SNX29: variants seen among roughly 807,000 people sequenced by gnomAD.
SNX29 encodes the protein sorting nexin-29.
A neutral mutation model predicts 102.1 loss-of-function variants in SNX29; 78 were observed. The observed-to-expected ratio is 0.76, with a 90% CI of 0.64 to 0.92. The LOEUF (loss-of-function observed/expected upper bound fraction) is 0.92. SNX29 is among the 40% of genes least tolerant of loss of function. SNX29 has a pLI of 0.00. For synonymous variants in SNX29, 580 were observed against 414.5 expected (o/e 1.40, Z -4.85); for missense variants, 1,280 against 1,061.7 (o/e 1.21, Z -2.86).
intron 16 of SNX29, among the ~76,000 whole-genome samples, chr16:12,359,437 C>T (rs932423517): frequency 2.0e-5 from 3 of 152,242 alleles, no homozygotes; most frequent in Non-Finnish European, 4.4e-5. Flanking sequence ...CTGGGTTTCA[C>T]ATATGACTTC....
At position 12,032,201 on chromosome 16, in the gene SNX29, TTC is replaced by T. The variant is rs1491074934; in HGVS notation, c.247+4759_247+4760del. The stretch of plus-strand genomic sequence containing the variant: ...TGTCAGAATTTCCTTCTTCTTCTTC[TTC>T]TTTTTTTTTTTTTTTTTGATGGAGC... On this transcript the variant is annotated intron_variant, in intron 4 of 20. Coordinates refer to ENST00000566228, the MANE Select transcript of SNX29 (RefSeq NM_032167.5). Among the ~76,000 whole-genome samples, 1,392 of 142,518 alleles carry T rather than the reference TTC, an allele frequency of 9.8e-3. 25 individuals carry two copies. Among genetic ancestry groups the T allele is most frequent in the African/African-American group, 0.034 (1,297 of 38,536 alleles). 93.5% of individuals were successfully genotyped at this position (142,518 alleles called of 152,430 possible).
At chr16:12,247,085 A>G (rs1357842677) in intron 14 of SNX29, among the ~76,000 whole-genome samples, 1 of 152,184 alleles carries the variant, frequency 6.6e-6, no homozygotes, top group African/African-American at 2.4e-5. Flanking sequence ...ACCTTTGAAG[A>G]GTCCTAAACT....
intron 13 of SNX29, among the ~76,000 whole-genome samples, chr16:12,176,409 AAC>A (rs2076262154): frequency 6.6e-6 from 1 of 152,182 alleles, no homozygotes; most frequent in Admixed American, 6.5e-5. Context: ...ATGTTCCAGA[AAC>A]TATGTCTAGT....
At chr16:12,404,974 C>G (rs778625902) in intron 18 of SNX29, among the ~76,000 whole-genome samples, 2 of 152,196 alleles carry the variant, frequency 1.3e-5, no homozygotes, top group Admixed American at 6.5e-5. Flanking sequence ...AGCTGGGCAA[C>G]AGTCATAGGA....
At chr16:12,446,145 T>C in intron 18 of SNX29, among the ~76,000 whole-genome samples, 3 of 141,884 alleles carry the variant, frequency 2.1e-5, no homozygotes, top group Non-Finnish European at 4.5e-5. Flanking sequence ...AGCCTCCACC[T>C]CTTGGGCTCA....
intron 1 of SNX29, among the ~76,000 whole-genome samples, chr16:11,995,094 C>G (rs1009045603): frequency 6.6e-6 from 1 of 152,190 alleles, no homozygotes; most frequent in African/African-American, 2.4e-5. Flanking sequence ...TTGAGACACT[C>G]TCACTCTGTT....
intron 8 of SNX29, chr16:12,060,962 G>A (rs1270596410): frequency 7.0e-6 from 3 of 429,218 alleles, no homozygotes; most frequent in Non-Finnish European, 1.4e-5. Flanking sequence ...GGGCTCAGAT[G>A]CAGCGAGGCG....
At position 12,330,471 on chromosome 16, in the gene SNX29, T is replaced by C. The variant is rs2081262344; in HGVS notation, c.1783-25692T>C. Among the ~76,000 whole-genome samples, 5 of 152,278 alleles carry C rather than the reference T, an allele frequency of 3.3e-5. No homozygotes were observed. The South Asian group carries it at 1.0e-3, about 32-fold the overall frequency. On this transcript the variant is annotated intron_variant, in intron 15 of 20. Transcript: ENST00000566228. ...TGGGCTTGACGGTCATAAGTAATGA[T>C]AGTTAACACTCACGCAATGCATCTG...
intron 20 of SNX29, among the ~76,000 whole-genome samples, chr16:12,538,119 C>A (rs1006822894): frequency 1.7e-5 from 2 of 117,338 alleles, no homozygotes; most frequent in African/African-American, 6.8e-5. Flanking sequence ...TTTCCCCTTG[C>A]ATTTTTTTAT....
intron 19 of SNX29, 123 bp downstream of exon 19, chr16:12,477,982 A>G (rs2087734089): frequency 8.6e-7 from 1 of 1,159,238 alleles, no homozygotes; most frequent in Non-Finnish European, 1.2e-6. Context: ...TGGAGATAAG[A>G]AAAAAATAGA....
chr16:12,363,723 G>A (rs1332240952), intron 16 of SNX29, among the ~76,000 whole-genome samples: 1 of 152,204 alleles, frequency 6.6e-6, no homozygotes, highest in Non-Finnish European at 1.5e-5. Flanking sequence ...GAGATGAGCA[G>A]GGTTAGTTTC....
At chr16:12,561,684 C>G (rs1434683154) in intron 20 of SNX29, among the ~76,000 whole-genome samples, 2 of 152,324 alleles carry the variant, frequency 1.3e-5, no homozygotes, top group Non-Finnish European at 1.5e-5. Flanking sequence ...CACACACAGA[C>G]CCCCTTTTCC....
chr16:12,307,868 C>T (rs945882201), intron 15 of SNX29, among the ~76,000 whole-genome samples: 1 of 152,224 alleles, frequency 6.6e-6, no homozygotes, highest in African/African-American at 2.4e-5. Context: ...TCCCCAATGA[C>T]CCTGACCTTC....
rs141532113 is a variant in SNX29 at position 12,361,601 on chromosome 16, A to G, written c.1899+5322A>G. On this transcript the variant is annotated intron_variant, in intron 16 of 20. Coordinates refer to ENST00000566228, the MANE Select transcript of SNX29 (RefSeq NM_032167.5). ...AAGACAAAGCTGAGACTCAGAAATGATGCAACTCTCCCAGCATCCCACACT... is the reference window on the plus strand; with the variant it reads ...AAGACAAAGCTGAGACTCAGAAATGGTGCAACTCTCCCAGCATCCCACACT... Among the ~76,000 whole-genome samples the G allele has an allele frequency of 7.2e-4, 110 of 152,308 alleles. 1 individual carries two copies. Among genetic ancestry groups the G allele is most frequent in the African/African-American group, 2.5e-3 (105 of 41,564 alleles).
At position 12,444,108 on chromosome 16, in the gene SNX29, G is replaced by A. The variant is rs576123866; in HGVS notation, c.2038-33611G>A. On this transcript the variant is annotated intron_variant, in intron 18 of 20. Coordinates refer to ENST00000566228, the MANE Select transcript of SNX29 (RefSeq NM_032167.5). ...AAGCACTCAGTATAGCACCTAGCAC[G>A]TAGTAAGCACTCAGTATAGCACCTA... Among the ~76,000 whole-genome samples, 21 of 151,474 alleles carry A rather than the reference G, an allele frequency of 1.4e-4. No homozygotes were observed. In the South Asian group the frequency reaches 2.3e-3, roughly 17 times the overall value.
Position 12,407,182 on chromosome 16 carries a change from C to G in SNX29, c.2037+3653C>G, listed in dbSNP as rs1335495373. On this transcript the variant is annotated intron_variant, in intron 18 of 20. Coordinates refer to ENST00000566228, the MANE Select transcript of SNX29 (RefSeq NM_032167.5). ...GCGGGGAGAAGGGCCCCCGCTTTTT[C>G]AGCCCTTCATGGCTTCCAGCTCCTT... is the stretch of plus-strand genomic sequence containing the variant. Among the ~76,000 whole-genome samples, 11 of 152,176 alleles carry G rather than the reference C, an allele frequency of 7.2e-5. No homozygotes were observed. In the East Asian group the frequency reaches 1.3e-3, roughly 19 times the overall value.
intron 14 of SNX29, among the ~76,000 whole-genome samples, chr16:12,250,204 CAA>C (rs769679494): frequency 1.3e-5 from 2 of 152,208 alleles, no homozygotes; most frequent in Non-Finnish European, 2.9e-5. Flanking sequence ...GGCCCAGAGA[CAA>C]GAGCGGGCAC....
At chr16:12,567,089 G>A (rs951277011) in intron 20 of SNX29, among the ~76,000 whole-genome samples, 5 of 152,246 alleles carry the variant, frequency 3.3e-5, no homozygotes, top group African/African-American at 1.2e-4. Flanking sequence ...ATCCTCGAGG[G>A]GAATGATTTC....
chr16:12,527,047 A>C, intron 20 of SNX29: 1 of 416,032 alleles, frequency 2.4e-6, no homozygotes. Flanking sequence ...TTGACACTGG[A>C]ATTTTGACTA....
Sources: gnomAD v4.1 joint callset for allele counts (sites outside exome capture counted in the v4.1 genomes callset) on GRCh38, gnomAD v4.1.1 for gene constraint, MANE v1.5 for transcripts, NCBI Gene and HGNC (gene_info 2026-07-23, HGNC 2026-07-21) for gene names.